The following LRRC4C variants were observed in gnomAD, a reference collection of about 807,000 sequenced individuals.
LRRC4C encodes the protein leucine rich repeat containing 4C.
A neutral mutation model predicts 33.6 loss-of-function variants in LRRC4C; 5 were observed. The observed-to-expected ratio is 0.15, with a 90% CI of 0.08 to 0.31. LRRC4C has a LOEUF of 0.31. LRRC4C is among the 10% of genes least tolerant of loss of function. The probability of loss-of-function intolerance (pLI) is 1.00; values close to 1 mark genes in which losing one functional copy is unlikely to be tolerated. For missense variants in LRRC4C, 560 were observed against 796.7 expected (o/e 0.70, Z 3.58); for synonymous variants, 329 against 302.0 (o/e 1.09, Z -0.93).
chr11:41,105,337 C>T (rs1045640432), intron 1 of LRRC4C, among the ~76,000 whole-genome samples: 9 of 151,984 alleles, frequency 5.9e-5, no homozygotes, highest in Admixed American at 3.3e-4. Context: ...TTCTACTGCA[C>T]ATCAAAGTCA....
At chr11:40,547,771 T>C (rs545281502) in intron 3 of LRRC4C, among the ~76,000 whole-genome samples, 1 of 152,096 alleles carries the variant, frequency 6.6e-6, no homozygotes, top group Admixed American at 6.6e-5. Flanking sequence ...CCTACTGAGA[T>C]ACGAAGAGGG....
At chr11:41,401,905 C>T (rs542299137) in intron 1 of LRRC4C, among the ~76,000 whole-genome samples, 5 of 152,060 alleles carry the variant, frequency 3.3e-5, no homozygotes, top group Admixed American at 3.3e-4. Context: ...TTCTCTAATT[C>T]ATTTCTTGTT....
At chr11:40,242,122 G>A (rs755592842) in intron 4 of LRRC4C, among the ~76,000 whole-genome samples, 9 of 152,126 alleles carry the variant, frequency 5.9e-5, no homozygotes, top group Non-Finnish European at 8.8e-5. Context: ...AGTCTCCAGC[G>A]AGCTGTACAT....
chr11:41,160,546 A>G (rs1440413646), intron 1 of LRRC4C, among the ~76,000 whole-genome samples: 1 of 152,182 alleles, frequency 6.6e-6, no homozygotes, highest in African/African-American at 2.4e-5. Flanking sequence ...ATGGCCATGC[A>G]TACAAACAGG....
intron 5 of LRRC4C, among the ~76,000 whole-genome samples, chr11:40,176,426 C>T (rs562442442): frequency 2.6e-5 from 4 of 151,548 alleles, no homozygotes; most frequent in South Asian, 2.1e-4. Flanking sequence ...TAAAAAATAA[C>T]GAAATGAATG....
At chr11:40,822,589 G>A (rs1282973428) in intron 2 of LRRC4C, among the ~76,000 whole-genome samples, 1 of 151,502 alleles carries the variant, frequency 6.6e-6, no homozygotes, top group African/African-American at 2.4e-5. Context: ...CGTGTCAGTT[G>A]GAAAGTTTGC....
chr11:40,532,769 A>G (rs1168177727), intron 3 of LRRC4C, among the ~76,000 whole-genome samples: 1 of 152,110 alleles, frequency 6.6e-6, no homozygotes, highest in Non-Finnish European at 1.5e-5. Flanking sequence ...CAGCTGGTGT[A>G]TTAATCCATT....
At chr11:40,258,733 C>T (rs1867430750) in intron 4 of LRRC4C, among the ~76,000 whole-genome samples, 1 of 152,186 alleles carries the variant, frequency 6.6e-6, no homozygotes, top group Non-Finnish European at 1.5e-5. Flanking sequence ...GAGAAAAACT[C>T]TGGATTCTCC....
intron 3 of LRRC4C, among the ~76,000 whole-genome samples, chr11:40,533,900 G>A (rs2135333174): frequency 6.6e-6 from 1 of 152,236 alleles, no homozygotes; most frequent in South Asian, 2.1e-4. Flanking sequence ...GCAAAATGAG[G>A]ATAATACCTG....
intron 1 of LRRC4C, among the ~76,000 whole-genome samples, chr11:41,065,750 C>T (rs993713647): frequency 1.3e-5 from 2 of 152,146 alleles, no homozygotes; most frequent in Non-Finnish European, 2.9e-5. Flanking sequence ...CTACAGCCTC[C>T]ACCTGTAATA....
At chr11:41,288,742 T>C (rs1949907888) in intron 1 of LRRC4C, among the ~76,000 whole-genome samples, 1 of 152,130 alleles carries the variant, frequency 6.6e-6, no homozygotes, top group African/African-American at 2.4e-5. Context: ...AATTAAAGTG[T>C]GGGCTAGAGC....
At chr11:41,244,025 C>T (rs1247008065) in intron 1 of LRRC4C, among the ~76,000 whole-genome samples, 10 of 151,966 alleles carry the variant, frequency 6.6e-5, no homozygotes, top group East Asian at 1.9e-4. Flanking sequence ...CAAGTTAAAA[C>T]GGGAACTAAT....
At chr11:40,409,478 G>C (rs1950077704) in intron 3 of LRRC4C, among the ~76,000 whole-genome samples, 1 of 151,946 alleles carries the variant, frequency 6.6e-6, no homozygotes, top group Non-Finnish European at 1.5e-5. Context: ...GAAAACATTT[G>C]CAAACCATAT....
At chr11:41,123,787 T>C (rs572313391) in intron 1 of LRRC4C, among the ~76,000 whole-genome samples, 1 of 152,208 alleles carries the variant, frequency 6.6e-6, no homozygotes, top group Non-Finnish European at 1.5e-5. Flanking sequence ...CACTCAATAT[T>C]CTGGGTGTGT....
rs982099498 is a variant in LRRC4C, at chr11:41,365,572, G to T, written c.-496+93859C>A. Among the ~76,000 whole-genome samples, 11 of 151,990 alleles carry T rather than the reference G, an allele frequency of 7.2e-5. 2 individuals carry two copies. The highest frequency in any genetic ancestry group is 6.6e-4 in the Admixed American group (10 of 15,230). On this transcript the variant is annotated intron_variant, in intron 1 of 6. Transcript: ENST00000528697. ...TTACTTCCTTGTTCTTAATAAATAT[G>T]AAATAGCATTTTATAAGTCCTTTAT... is the stretch of plus-strand genomic sequence containing the variant.
chr11:40,733,861 C>A (rs1947728666), intron 2 of LRRC4C, among the ~76,000 whole-genome samples: 1 of 152,118 alleles, frequency 6.6e-6, no homozygotes. Flanking sequence ...GTAAAATCCA[C>A]TCTTCTTGGG....
intron 5 of LRRC4C, among the ~76,000 whole-genome samples, chr11:40,205,551 A>T (rs1055138111): frequency 2.0e-5 from 3 of 152,120 alleles, no homozygotes; most frequent in Admixed American, 6.5e-5. Context: ...GTTTTATTTT[A>T]AAAATTCTAT....
intron 1 of LRRC4C, among the ~76,000 whole-genome samples, chr11:41,233,405 C>T (rs1482493340): frequency 6.6e-6 from 1 of 151,778 alleles, no homozygotes; most frequent in African/African-American, 2.4e-5. Context: ...TGAATAGTTA[C>T]CATTTTAAGA....
At chr11:41,148,468 C>T (rs1381460276) in intron 1 of LRRC4C, among the ~76,000 whole-genome samples, 4 of 151,978 alleles carry the variant, frequency 2.6e-5, no homozygotes, top group Non-Finnish European at 4.4e-5. Context: ...GAATAAAATA[C>T]CCAACTTGAT....
Sources: allele counts gnomAD v4.1 joint callset (sites outside exome capture counted in the v4.1 genomes callset), GRCh38; gene constraint gnomAD v4.1.1; transcripts MANE v1.5; gene names NCBI Gene and HGNC (gene_info 2026-07-23, HGNC 2026-07-21).